Variants in PFDN1 observed in about 807,000 individuals in gnomAD.
PFDN1 encodes the protein prefoldin subunit 1.
Under a neutral mutation model 17.3 loss-of-function variants are expected in PFDN1, and 6 were observed. That is an observed-to-expected ratio of 0.35 (90% CI 0.19 to 0.69). The LOEUF (loss-of-function observed/expected upper bound fraction) is 0.69, where lower values mean the gene tolerates loss of function less well. PFDN1 is among the 30% of genes least tolerant of loss of function. The pLI, the probability that PFDN1 is intolerant of heterozygous loss-of-function variation, is 0.65. For missense variants in PFDN1, 113 were observed against 146.2 expected (o/e 0.77, Z 1.17); for synonymous variants, 58 against 50.1 (o/e 1.16, Z -0.67).
chr5:140,285,277 G>A (rs1359881046), intron 2 of PFDN1, among the ~76,000 whole-genome samples: 3 of 151,624 alleles, frequency 2.0e-5, no homozygotes, highest in Non-Finnish European at 4.4e-5. Flanking sequence ...GAACCCGGGA[G>A]GTGGAGTTTG....
intron 3 of PFDN1, among the ~76,000 whole-genome samples, chr5:140,271,939 A>T (rs1201871566): frequency 6.7e-6 from 1 of 148,804 alleles, no homozygotes; most frequent in Non-Finnish European, 1.5e-5. Context: ...TATACATAAA[A>T]TACATATATA....
intron 2 of PFDN1, among the ~76,000 whole-genome samples, chr5:140,285,233 C>T (rs1038935175): frequency 1.3e-5 from 2 of 151,590 alleles, no homozygotes; most frequent in African/African-American, 4.9e-5. Context: ...ATAGAAAAGA[C>T]ATAAGAATGA....
At chr5:140,278,534 T>A (rs1314283852) in intron 3 of PFDN1, among the ~76,000 whole-genome samples, 2 of 118,278 alleles carry the variant, frequency 1.7e-5, no homozygotes, top group African/African-American at 6.8e-5. Context: ...GACTCCAGCC[T>A]GGGACAGAAT....
intron 2 of PFDN1, among the ~76,000 whole-genome samples, chr5:140,295,731 C>T (rs1373905733): frequency 6.6e-6 from 1 of 152,082 alleles, no homozygotes; most frequent in African/African-American, 2.4e-5. Flanking sequence ...GCTTGACTTT[C>T]CTTGTTTTAA....
chr5:140,246,209 T>G, intron 3 of PFDN1, 152 bp from the exon 4 acceptor site: 2 of 642,960 alleles, frequency 3.1e-6, no homozygotes, highest in Non-Finnish European at 5.7e-6. Context: ...CTGCCCACAG[T>G]GCTCCCCTCA....
In PFDN1 at chr5:140,300,527, G is replaced by A; in HGVS notation, c.89C>T (p.Ala30Val). Residue 30 changes from alanine (A) to valine (V), a missense_variant, in exon 2 of 4, where the codon GCA (alanine) becomes GTA (valine). Transcript: ENST00000261813. ...VIDTQQKVKL[A>V]DIQIEQLNRT... Reference sequence around the variant, plus strand: ...GTTTAGCTGTTCAATCTGTATGTCTGCGAGCTTCACCTTCTGTTGAGTGTC... The same window carrying A: ...GTTTAGCTGTTCAATCTGTATGTCTACGAGCTTCACCTTCTGTTGAGTGTC... 1 of 1,612,946 alleles carries A rather than the reference G, an allele frequency of 6.2e-7. No homozygotes were observed. The highest frequency in any genetic ancestry group is 8.5e-7 in the Non-Finnish European group (1 of 1,179,204).
intron 3 of PFDN1, among the ~76,000 whole-genome samples, chr5:140,278,785 C>T (rs1050213577): frequency 6.6e-6 from 1 of 152,108 alleles, no homozygotes; most frequent in Non-Finnish European, 1.5e-5. Context: ...GTAAGATACA[C>T]ACAAAATTTG....
chr5:140,302,924 C>G, intron 1 of PFDN1, 117 bp downstream of exon 1: 1 of 816,264 alleles, frequency 1.2e-6, no homozygotes, highest in Non-Finnish European at 2.2e-6. Flanking sequence ...GAAACCATTC[C>G]CTAGTCCACT....
At chr5:140,297,946 A>G (rs1014967962) in intron 2 of PFDN1, among the ~76,000 whole-genome samples, 4 of 152,234 alleles carry the variant, frequency 2.6e-5, no homozygotes, top group Non-Finnish European at 5.9e-5. Context: ...CAACATGTTA[A>G]TAAAGCTGGC....
intron 3 of PFDN1, among the ~76,000 whole-genome samples, chr5:140,262,157 A>T (rs1198865142): frequency 1.3e-5 from 2 of 152,146 alleles, no homozygotes; most frequent in African/African-American, 4.8e-5. Flanking sequence ...CCCTTGCTTC[A>T]ATTTCCAGAT....
chr5:140,277,795 G>T (rs772457296), intron 3 of PFDN1, among the ~76,000 whole-genome samples: 16 of 151,804 alleles, frequency 1.1e-4, no homozygotes, highest in Non-Finnish European at 1.6e-4. Flanking sequence ...TACAAAGCAT[G>T]AAAGACATAG....
rs570033363 is a variant in PFDN1, at chr5:140,277,513, A to T, written c.285+3936T>A. ...AAATACAAATTTTCCAGAATTTATTAAAAAAAAAACACTAATCCTCAGATT... is the reference window on the plus strand; with the variant it reads ...AAATACAAATTTTCCAGAATTTATTTAAAAAAAAACACTAATCCTCAGATT... On this transcript the variant is annotated intron_variant, in intron 3 of 3. Coordinates refer to ENST00000261813, the MANE Select transcript of PFDN1 (RefSeq NM_002622.5). Among the ~76,000 whole-genome samples, 225 of 148,278 alleles carry T rather than the reference A, an allele frequency of 1.5e-3. 1 individual carries two copies. The highest frequency in any genetic ancestry group is 2.4e-3 in the Non-Finnish European group (157 of 66,786).
intron 3 of PFDN1, among the ~76,000 whole-genome samples, chr5:140,256,658 C>CAAAAAAAAAAAAAAAAAA (rs757723797): frequency 7.5e-5 from 3 of 39,892 alleles, no homozygotes; most frequent in East Asian, 1.3e-3. Context: ...CAAAAAATGA[C>CAAAAAAAAAAAAAAAAAA]AAAAAAAAAA....
chr5:140,245,420 A>C lies in PFDN1; in HGVS notation c.*554T>G. 1.4e-6 allele frequency: 1 copy of C among 702,360 alleles called. No homozygotes were observed. Among genetic ancestry groups the C allele is most frequent in the Non-Finnish European group, 2.6e-6 (1 of 384,864 alleles). The allele number at this position is 702,360 out of a possible 1,614,324, so 43.5% of individuals were successfully genotyped here. On this transcript the variant is annotated 3_prime_UTR_variant, in exon 4 of 4. Transcript: ENST00000261813. ...TCTGTTCACTGAGATTCAGCTGTGAACATCTGTTCTTTCTTCCTCTTCTGT... is the reference window on the plus strand; with the variant it reads ...TCTGTTCACTGAGATTCAGCTGTGACCATCTGTTCTTTCTTCCTCTTCTGT...
Position 140,301,699 on chromosome 5 carries a change from T to C in PFDN1, c.34-1117A>G, listed in dbSNP as rs1765749135. 2.6e-5 allele frequency among the ~76,000 whole-genome samples: 4 copies of C among 152,210 alleles called. No homozygotes were observed. The South Asian group carries it at 8.3e-4, about 32-fold the overall frequency. On this transcript the variant is annotated intron_variant, in intron 1 of 3. Transcript: ENST00000261813. ...TTTAAGTTTGTAATCATTTTCTTAG[T>C]TTGCATTCACCGCCCGCAAGTTTCA...
At chr5:140,302,108 A>C (rs1361160194) in intron 1 of PFDN1, among the ~76,000 whole-genome samples, 2 of 152,256 alleles carry the variant, frequency 1.3e-5, no homozygotes, top group African/African-American at 4.8e-5. Flanking sequence ...GTCTTAACTA[A>C]GATGTTGCTC....
At chr5:140,283,220 A>C (rs1765435876) in intron 2 of PFDN1, among the ~76,000 whole-genome samples, 1 of 152,168 alleles carries the variant, frequency 6.6e-6, no homozygotes, top group Non-Finnish European at 1.5e-5. Flanking sequence ...CTTATATCCT[A>C]ATGCGGCCAG....
At chr5:140,283,736 A>G (rs1765445752) in intron 2 of PFDN1, among the ~76,000 whole-genome samples, 2 of 152,168 alleles carry the variant, frequency 1.3e-5, no homozygotes, top group Non-Finnish European at 2.9e-5. Flanking sequence ...TTTACAGAAT[A>G]TTTTTCTCAG....
intron 3 of PFDN1, among the ~76,000 whole-genome samples, chr5:140,267,656 G>A (rs1370421733): frequency 6.6e-6 from 1 of 151,840 alleles, no homozygotes; most frequent in Non-Finnish European, 1.5e-5. Context: ...ACCACCTCCC[G>A]CTTATTTGTT....
Sources: gnomAD v4.1 joint callset for allele counts (sites outside exome capture counted in the v4.1 genomes callset) on GRCh38, gnomAD v4.1.1 for gene constraint, MANE v1.5 for transcripts, NCBI Gene and HGNC (gene_info 2026-07-23, HGNC 2026-07-21) for gene names.